Variants in DCUN1D3 observed in about 807,000 individuals in gnomAD.
The protein encoded by DCUN1D3 is DCN1-like protein 3.
In DCUN1D3, 6 loss-of-function variants were observed where a neutral mutation model predicts 24.8. That is an observed-to-expected ratio of 0.24 (90% CI 0.13 to 0.48). The LOEUF (loss-of-function observed/expected upper bound fraction) is 0.48. DCUN1D3 is among the 20% of genes least tolerant of loss of function. The pLI is 0.99. For missense variants in DCUN1D3, 258 were observed against 379.4 expected, an observed-to-expected ratio of 0.68 and a Z score of 2.66; for synonymous variants, 120 against 144.9, an observed-to-expected ratio of 0.83 and a Z score of 1.24.
At chr16:20,880,710 C>T (rs894518650) in intron 1 of DCUN1D3, among the ~76,000 whole-genome samples, 1 of 151,630 alleles carries the variant, frequency 6.6e-6, no homozygotes, top group African/African-American at 2.4e-5. Context: ...AAAATAAGCA[C>T]CTACTATGTC....
intron 1 of DCUN1D3, among the ~76,000 whole-genome samples, chr16:20,898,322 T>C (rs1567432953): frequency 6.6e-6 from 1 of 152,198 alleles, no homozygotes; most frequent in Non-Finnish European, 1.5e-5. Flanking sequence ...CAGCGCTTGA[T>C]CAAAATCTGG....
intron 1 of DCUN1D3, among the ~76,000 whole-genome samples, chr16:20,891,665 CTAG>C (rs1386622247): frequency 1.3e-5 from 2 of 152,178 alleles, no homozygotes; most frequent in African/African-American, 4.8e-5. Flanking sequence ...CATCAGTGGT[CTAG>C]CCTGGACCAG....
chr16:20,869,888 T>G (rs978338327), intron 1 of DCUN1D3, among the ~76,000 whole-genome samples: 2 of 152,178 alleles, frequency 1.3e-5, no homozygotes, highest in African/African-American at 4.8e-5. Context: ...ATCACTGGTC[T>G]CACTACTGTT....
chr16:20,886,912 G>T (rs2081870250), intron 1 of DCUN1D3, among the ~76,000 whole-genome samples: 1 of 152,148 alleles, frequency 6.6e-6, no homozygotes, highest in Non-Finnish European at 1.5e-5. Flanking sequence ...AAACTAAATT[G>T]GTTGCAATTT....
intron 1 of DCUN1D3, among the ~76,000 whole-genome samples, chr16:20,882,485 G>A (rs1323246187): frequency 3.3e-5 from 5 of 150,322 alleles, no homozygotes; most frequent in African/African-American, 4.9e-5. Flanking sequence ...GACTGGTCTC[G>A]AACTCCTGAC....
intron 1 of DCUN1D3, among the ~76,000 whole-genome samples, chr16:20,891,318 T>C (rs971108260): frequency 3.3e-5 from 5 of 151,812 alleles, no homozygotes; most frequent in African/African-American, 1.2e-4. Flanking sequence ...TTTTTTCACA[T>C]TACAGTTCCC....
Position 20,862,673 on chromosome 16 carries a change from T to C in DCUN1D3, c.-105-30A>G. ...AAGGAAATTAGAAAGCCATCACCTC[T>C]GGGTGGGGGAAATGGGGTATGGACC... On this transcript the variant is annotated intron_variant, in intron 1 of 2. Coordinates refer to ENST00000324344, the MANE Select transcript of DCUN1D3 (RefSeq NM_173475.4). 3 of 1,504,480 alleles carry C rather than the reference T, an allele frequency of 2.0e-6. No individual in the cohort carries two copies. The South Asian group carries it at 4.0e-5, about 20-fold the overall frequency. The allele number at this position is 1,504,480 out of a possible 1,614,324, so 93.2% of individuals were successfully genotyped here. A position where few individuals can be genotyped will look rare whatever the true frequency, so the allele number is the denominator to read the frequency against.
At chr16:20,878,902 G>A (rs528565117) in intron 1 of DCUN1D3, among the ~76,000 whole-genome samples, 1 of 152,106 alleles carries the variant, frequency 6.6e-6, no homozygotes, top group African/African-American at 2.4e-5. Flanking sequence ...AGTCCTCAAC[G>A]GGGCCCCCAA....
intron 2 of DCUN1D3, among the ~76,000 whole-genome samples, chr16:20,861,509 G>T (rs2081732497): frequency 6.6e-6 from 1 of 152,158 alleles, no homozygotes; most frequent in African/African-American, 2.4e-5. Flanking sequence ...TACTCACAGT[G>T]CCTGGCACAT....
chr16:20,872,534 T>C (rs1457674894), intron 1 of DCUN1D3, among the ~76,000 whole-genome samples: 1 of 150,896 alleles, frequency 6.6e-6, no homozygotes, highest in East Asian at 1.9e-4. Flanking sequence ...TTCCCCACGA[T>C]GGAGGTTGAC....
chr16:20,890,513 T>C (rs894324687), intron 1 of DCUN1D3, among the ~76,000 whole-genome samples: 13 of 152,096 alleles, frequency 8.5e-5, no homozygotes, highest in Non-Finnish European at 1.3e-4. Flanking sequence ...CCTCTGGTCC[T>C]AGCTACTTGG....
At chr16:20,880,668 A>C in intron 1 of DCUN1D3, among the ~76,000 whole-genome samples, 1 of 151,386 alleles carries the variant, frequency 6.6e-6, no homozygotes. Flanking sequence ...GCTAACTGGC[A>C]TCTAAGAGAT....
At chr16:20,889,265 G>GC (rs1478258494) in intron 1 of DCUN1D3, among the ~76,000 whole-genome samples, 2 of 151,636 alleles carry the variant, frequency 1.3e-5, no homozygotes, top group Non-Finnish European at 2.9e-5. Flanking sequence ...GGTGGCACAT[G>GC]CCTGTAATCC....
Position 20,875,210 on chromosome 16 carries a change from G to GCACACA in DCUN1D3, c.-105-12573_-105-12568dup, listed in dbSNP as rs3222584. On this transcript the variant is annotated intron_variant, in intron 1 of 2. Coordinates refer to ENST00000324344, the MANE Select transcript of DCUN1D3 (RefSeq NM_173475.4). ...CCCAGAATAAACTGCGTGCGCTCAT[G>GCACACA]CACACACACACACACACACACACAC... 4.8e-3 allele frequency among the ~76,000 whole-genome samples: 680 copies of GCACACA among 140,320 alleles called. 4 individuals are homozygous for GCACACA. The highest frequency in any genetic ancestry group is 0.015 in the East Asian group (70 of 4,750). 92.1% of individuals were successfully genotyped at this position (140,320 alleles called of 152,430 possible).
At chr16:20,864,804 G>A (rs1156550679) in intron 1 of DCUN1D3, among the ~76,000 whole-genome samples, 6 of 145,106 alleles carry the variant, frequency 4.1e-5, no homozygotes, top group African/African-American at 1.6e-4. Flanking sequence ...GGAACGCTAT[G>A]CAGCCATAAA....
chr16:20,892,179 G>A (rs557321082), intron 1 of DCUN1D3, among the ~76,000 whole-genome samples: 5 of 152,166 alleles, frequency 3.3e-5, no homozygotes, highest in African/African-American at 1.2e-4. Flanking sequence ...ACTGTTTTGA[G>A]TAAATGACTG....
At chr16:20,876,804 G>A (rs921123347) in intron 1 of DCUN1D3, among the ~76,000 whole-genome samples, 7 of 152,140 alleles carry the variant, frequency 4.6e-5, no homozygotes, top group Admixed American at 1.3e-4. Context: ...TAGGCAACAC[G>A]GTTGGAACTA....
chr16:20,898,876 T>C (rs1246452417), intron 1 of DCUN1D3, among the ~76,000 whole-genome samples: 1 of 152,252 alleles, frequency 6.6e-6, no homozygotes, highest in Non-Finnish European at 1.5e-5. Flanking sequence ...TCTGAGAGGC[T>C]AGAAGAGTGC....
chr16:20,886,672 T>C (rs2081869403), intron 1 of DCUN1D3, among the ~76,000 whole-genome samples: 1 of 152,226 alleles, frequency 6.6e-6, no homozygotes, highest in Non-Finnish European at 1.5e-5. Flanking sequence ...TCTGAAGTAA[T>C]CTAATGTTAA....
Sources: gnomAD v4.1 joint callset for allele counts (sites outside exome capture counted in the v4.1 genomes callset) on GRCh38, gnomAD v4.1.1 for gene constraint, MANE v1.5 for transcripts, NCBI Gene and HGNC (gene_info 2026-07-23, HGNC 2026-07-21) for gene names.